Variants in TLK1 observed in about 807,000 individuals in gnomAD.
TLK1 encodes serine/threonine-protein kinase tousled-like 1.
In TLK1, 24 loss-of-function variants were observed where a neutral mutation model predicts 105.3. The observed-to-expected ratio is 0.23, with a 90% CI of 0.17 to 0.32. The LOEUF (loss-of-function observed/expected upper bound fraction) is 0.32, where lower values mean the gene tolerates loss of function less well. Ranked by LOEUF, TLK1 falls within the 10% of genes least tolerant of loss-of-function variation. TLK1 has a pLI of 1.00. For synonymous variants in TLK1, 321 were observed against 310.4 expected (o/e 1.03, Z -0.36); for missense variants, 558 against 910.5 (o/e 0.61, Z 4.98).
At chr2:171,184,433 G>A (rs1030267579) in intron 1 of TLK1, among the ~76,000 whole-genome samples, 5 of 152,000 alleles carry the variant, frequency 3.3e-5, no homozygotes, top group East Asian at 1.9e-4. Flanking sequence ...ACCTGAATTC[G>A]GGAGTTTGAG....
intron 18 of TLK1, among the ~76,000 whole-genome samples, chr2:171,004,252 C>T (rs886811886): frequency 2.0e-5 from 3 of 152,110 alleles, no homozygotes; most frequent in Non-Finnish European, 4.4e-5. Context: ...CGTGAGCCAC[C>T]GTGTCCAGCC....
intron 1 of TLK1, among the ~76,000 whole-genome samples, chr2:171,216,904 A>G (rs1216370469): frequency 6.6e-6 from 1 of 152,252 alleles, no homozygotes; most frequent in Non-Finnish European, 1.5e-5. Flanking sequence ...GAATTTTCCT[A>G]TAAGATTCAG....
chr2:171,088,602 C>T (rs928280034), intron 2 of TLK1, among the ~76,000 whole-genome samples: 2 of 152,090 alleles, frequency 1.3e-5, no homozygotes, highest in Non-Finnish European at 2.9e-5. Context: ...ATAAAAGCTT[C>T]GAGGGAAGAA....
chr2:171,204,334 C>G (rs1020625325), intron 1 of TLK1, among the ~76,000 whole-genome samples: 1 of 152,144 alleles, frequency 6.6e-6, no homozygotes, highest in Non-Finnish European at 1.5e-5. Flanking sequence ...TAAGTTGGAA[C>G]CCCAGTGCGT....
intron 1 of TLK1, among the ~76,000 whole-genome samples, chr2:171,214,842 C>G (rs1283669922): frequency 6.6e-6 from 1 of 152,200 alleles, no homozygotes; most frequent in Non-Finnish European, 1.5e-5. Context: ...TCAAGGTCTT[C>G]CAGCTAAAGA....
At chr2:171,090,276 C>A (rs1319640800) in intron 2 of TLK1, among the ~76,000 whole-genome samples, 2 of 151,970 alleles carry the variant, frequency 1.3e-5, no homozygotes, top group Non-Finnish European at 2.9e-5. Flanking sequence ...TTTCTACTTT[C>A]TACTTATTTG....
intron 1 of TLK1, among the ~76,000 whole-genome samples, chr2:171,215,240 C>A (rs1314246928): frequency 1.3e-5 from 2 of 152,130 alleles, no homozygotes; most frequent in African/African-American, 2.4e-5. Context: ...CGTGCCCACT[C>A]TCTCTCTCAA....
chr2:171,211,168 G>A (rs377546935), intron 1 of TLK1, among the ~76,000 whole-genome samples: 13 of 152,284 alleles, frequency 8.5e-5, no homozygotes, highest in Non-Finnish European at 1.3e-4. Flanking sequence ...CAGAGACCTC[G>A]AATCCTACAA....
At chr2:171,125,574 C>G (rs979637902) in intron 1 of TLK1, among the ~76,000 whole-genome samples, 1 of 152,170 alleles carries the variant, frequency 6.6e-6, no homozygotes, top group Admixed American at 6.6e-5. Context: ...GTACACCAAA[C>G]AGTAGCTTGA....
chr2:171,126,188 C>CAA (rs1335472070), intron 1 of TLK1, among the ~76,000 whole-genome samples: 1 of 152,050 alleles, frequency 6.6e-6, no homozygotes, highest in Non-Finnish European at 1.5e-5. Context: ...AATGTAAATC[C>CAA]AAAACATCAC....
intron 1 of TLK1, among the ~76,000 whole-genome samples, chr2:171,203,326 T>A (rs1558990072): frequency 6.6e-6 from 1 of 152,186 alleles, no homozygotes; most frequent in African/African-American, 2.4e-5. Flanking sequence ...TAAAACTCTA[T>A]ACTCATTAAA....
intron 1 of TLK1, among the ~76,000 whole-genome samples, chr2:171,216,695 T>G (rs1335016770): frequency 6.6e-6 from 1 of 152,292 alleles, no homozygotes; most frequent in East Asian, 1.9e-4. Flanking sequence ...TTGTAATTAG[T>G]TAAGATGAGC....
At chr2:171,063,307 C>T (rs943189437) in intron 3 of TLK1, among the ~76,000 whole-genome samples, 2 of 152,174 alleles carry the variant, frequency 1.3e-5, no homozygotes, top group African/African-American at 4.8e-5. Context: ...GATCACACCA[C>T]TGCACTCCAG....
At chr2:171,008,909 G>A (rs1281873495) in intron 14 of TLK1, among the ~76,000 whole-genome samples, 1 of 152,132 alleles carries the variant, frequency 6.6e-6, no homozygotes, top group Non-Finnish European at 1.5e-5. Flanking sequence ...GAAGGCTCAT[G>A]GTAAGTTCAT....
intron 3 of TLK1, among the ~76,000 whole-genome samples, chr2:171,064,211 T>TAACA (rs1687886269): frequency 6.6e-6 from 1 of 152,184 alleles, no homozygotes; most frequent in African/African-American, 2.4e-5. Context: ...TTAAGACTGT[T>TAACA]GTGCCCCAGA....
At chr2:171,125,987 G>GA (rs1229021647) in intron 1 of TLK1, among the ~76,000 whole-genome samples, 1 of 151,678 alleles carries the variant, frequency 6.6e-6, no homozygotes, top group East Asian at 1.9e-4. Flanking sequence ...AAATTTTCTG[G>GA]AAAAAAAGTA....
intron 3 of TLK1, 104 bp downstream of exon 3, chr2:171,082,677 C>T: frequency 1.1e-6 from 1 of 919,262 alleles, no homozygotes; most frequent in Non-Finnish European, 1.7e-6. Flanking sequence ...ACTTTAAAAG[C>T]ATTAACCTTT....
chr2:171,187,749 C>T (rs114357060), intron 1 of TLK1, among the ~76,000 whole-genome samples: 425 of 152,240 alleles, frequency 2.8e-3, no homozygotes, highest in Non-Finnish European at 4.3e-3. Flanking sequence ...GTCAGCTTCA[C>T]GAGAACAAGA....
At chr2:171,212,672 T>TA (rs1290575427) in intron 1 of TLK1, among the ~76,000 whole-genome samples, 1 of 152,098 alleles carries the variant, frequency 6.6e-6, no homozygotes, top group Non-Finnish European at 1.5e-5. Context: ...AAAAAAATTA[T>TA]AAACCCACTC....
Sources: allele counts gnomAD v4.1 joint callset (sites outside exome capture counted in the v4.1 genomes callset), GRCh38; gene constraint gnomAD v4.1.1; transcripts MANE v1.5; gene names NCBI Gene and HGNC (gene_info 2026-07-23, HGNC 2026-07-21).